Variants in PLOD2 observed in about 807,000 individuals in gnomAD.
PLOD2 encodes the protein lysine hydroxylase 2.
Under a neutral mutation model 101.0 loss-of-function variants are expected in PLOD2, and 65 were observed. The ratio of observed to expected loss-of-function variants is 0.64; its 90% CI spans 0.53 to 0.79. The LOEUF (loss-of-function observed/expected upper bound fraction) is 0.79, where lower values mean the gene tolerates loss of function less well. PLOD2 is among the 30% of genes least tolerant of loss of function. The probability of loss-of-function intolerance (pLI) is 0.00; values close to 1 mark genes in which losing one functional copy is unlikely to be tolerated. For missense variants in PLOD2, 909 were observed against 914.6 expected (o/e 0.99, Z 0.08); for synonymous variants, 314 against 302.9 (o/e 1.04, Z -0.38).
At chr3:146,119,166 A>G (rs1375877874) in intron 3 of PLOD2, among the ~76,000 whole-genome samples, 3 of 152,024 alleles carry the variant, frequency 2.0e-5, no homozygotes, top group Non-Finnish European at 4.4e-5. Flanking sequence ...TTCTCATGAG[A>G]TCTGATTGTT....
At chr3:146,086,283 T>G (rs1232075902) in intron 10 of PLOD2, 1 of 152,542 alleles carries the variant, frequency 6.6e-6, no homozygotes, top group Non-Finnish European at 1.5e-5. Context: ...TACACGATTT[T>G]TTTTACTATT....
intron 12 of PLOD2, among the ~76,000 whole-genome samples, chr3:146,081,392 A>T (rs996031731): frequency 1.3e-5 from 2 of 152,132 alleles, no homozygotes; most frequent in Non-Finnish European, 1.5e-5. Context: ...ACAACCCTTA[A>T]TTATAACCAT....
At chr3:146,077,740 T>A (rs1053123518) in intron 14 of PLOD2, 122 bp downstream of exon 14, 3 of 620,190 alleles carry the variant, frequency 4.8e-6, no homozygotes, top group Non-Finnish European at 5.6e-6. Context: ...AGATGACTGA[T>A]GAAAATCAAC....
At chr3:146,074,933 A>T (rs996368446) in intron 15 of PLOD2, among the ~76,000 whole-genome samples, 2 of 151,624 alleles carry the variant, frequency 1.3e-5, no homozygotes, top group African/African-American at 4.8e-5. Flanking sequence ...GTTCCTACTC[A>T]GTTCTGATAT....
chr3:146,111,708 T>C (rs1937638053), intron 3 of PLOD2, among the ~76,000 whole-genome samples: 1 of 126,184 alleles, frequency 7.9e-6, no homozygotes, highest in Admixed American at 8.0e-5. Context: ...ACCTCAAACT[T>C]TGCCCTGTTT....
In PLOD2 at chr3:146,102,894, C is replaced by T. The variant is rs369230207; in HGVS notation, c.680-42G>A. ...AAATAGGCTTTAGTAATTTAAAATACGTGTGTGTGTGTCTGTATTCGTGTG... is the reference window on the plus strand; with the variant it reads ...AAATAGGCTTTAGTAATTTAAAATATGTGTGTGTGTGTCTGTATTCGTGTG... On this transcript the variant is annotated intron_variant, in intron 6 of 19. Coordinates refer to ENST00000282903, the MANE Select transcript of PLOD2 (RefSeq NM_182943.3). 159 of 1,024,100 alleles carry T rather than the reference C, an allele frequency of 1.6e-4. No homozygotes were observed. In the African/African-American group the frequency reaches 2.2e-3, roughly 14 times the overall value. The allele number at this position is 1,024,100 out of a possible 1,614,324, so 63.4% of individuals were successfully genotyped here. A position where few individuals can be genotyped will look rare whatever the true frequency, so the allele number is the denominator to read the frequency against.
At chr3:146,094,794 G>A (rs1937092462) in intron 7 of PLOD2, among the ~76,000 whole-genome samples, 1 of 152,088 alleles carries the variant, frequency 6.6e-6, no homozygotes, top group East Asian at 1.9e-4. Flanking sequence ...CAAAGCTGGA[G>A]GCATCATGCT....
intron 2 of PLOD2, among the ~76,000 whole-genome samples, chr3:146,122,769 T>A (rs2030259246): frequency 6.6e-6 from 1 of 152,132 alleles, no homozygotes; most frequent in Non-Finnish European, 1.5e-5. Flanking sequence ...GTTTTCCTCA[T>A]CCAGAAATAA....
chr3:146,131,242 TG>T (rs1209361567), intron 1 of PLOD2, among the ~76,000 whole-genome samples: 1 of 152,234 alleles, frequency 6.6e-6, no homozygotes, highest in East Asian at 1.9e-4. Context: ...ACCTCACCCA[TG>T]TGTTTTTTCT....
In PLOD2 at chr3:146,071,286, A is replaced by G. The variant is rs776363132; in HGVS notation, c.1986T>C (p.Tyr662=). ...GTGAGAGGATAACTACCTTCGTATAATAGCCTGCAAAGACCTTCAGTGTAA... is the reference window on the plus strand; with the variant it reads ...GTGAGAGGATAACTACCTTCGTATAGTAGCCTGCAAAGACCTTCAGTGTAA... The part of the protein sequence containing the change: ...APVTLKVFAG[Y]YTKGFALLNF... Residue 662 remains tyrosine (Y), a synonymous_variant, in exon 18 of 20, where the codon TAT becomes TAC. Transcript: ENST00000282903. 6.2e-7 allele frequency: 1 copy of G among 1,612,050 alleles called. No homozygotes were observed. The highest frequency in any genetic ancestry group is 1.1e-5 in the South Asian group (1 of 91,062).
chr3:146,096,211 T>G (rs1280302380), intron 7 of PLOD2, among the ~76,000 whole-genome samples: 1 of 134,812 alleles, frequency 7.4e-6, no homozygotes, highest in East Asian at 2.3e-4. Flanking sequence ...CAGGCTGGAG[T>G]GCAGTGGCGT....
intron 15 of PLOD2, chr3:146,076,293 TGTATA>T (rs1345616239): frequency 6.6e-6 from 1 of 152,066 alleles, no homozygotes; most frequent in Non-Finnish European, 1.5e-5. Context: ...TTTTTATGGC[TGTATA>T]GTATTCTATG....
Position 146,105,617 on chromosome 3 carries a change from C to T in PLOD2, c.615+915G>A, listed in dbSNP as rs1357698373. Reference sequence around the variant, plus strand: ...TTTATTCACATGTCATTTCAAAATACCAGAAAATGTGTTCTTTTAAAATTG... The same window carrying T: ...TTTATTCACATGTCATTTCAAAATATCAGAAAATGTGTTCTTTTAAAATTG... On this transcript the variant is annotated intron_variant, in intron 5 of 19. Coordinates refer to ENST00000282903, the MANE Select transcript of PLOD2 (RefSeq NM_182943.3). Among the ~76,000 whole-genome samples the T allele has an allele frequency of 2.0e-5, 3 of 152,168 alleles. No homozygotes were observed. In the East Asian group the frequency reaches 5.8e-4, roughly 29 times the overall value.
intron 11 of PLOD2, among the ~76,000 whole-genome samples, chr3:146,083,847 C>T (rs1243644570): frequency 6.6e-6 from 1 of 151,942 alleles, no homozygotes; most frequent in Non-Finnish European, 1.5e-5. Flanking sequence ...TCCCAAAGTG[C>T]TGGGATTACA....
chr3:146,088,180 C>T (rs748630792), intron 9 of PLOD2, among the ~76,000 whole-genome samples: 3 of 151,734 alleles, frequency 2.0e-5, no homozygotes, highest in East Asian at 1.9e-4. Context: ...CAAAACAGTA[C>T]TCTATCTGGA....
At chr3:146,118,848 A>T (rs1032856869) in intron 3 of PLOD2, among the ~76,000 whole-genome samples, 1 of 152,174 alleles carries the variant, frequency 6.6e-6, no homozygotes, top group African/African-American at 2.4e-5. Context: ...ACCAGAATCC[A>T]TTAAGTTACC....
chr3:146,115,568 G>A (rs994835666), intron 3 of PLOD2, among the ~76,000 whole-genome samples: 1 of 151,634 alleles, frequency 6.6e-6, no homozygotes, highest in Non-Finnish European at 1.5e-5. Context: ...AATTTATTTT[G>A]CATTCAAATC....
chr3:146,160,759 GGA>G, intron 1 of PLOD2, 120 bp downstream of exon 1: 1 of 686,878 alleles, frequency 1.5e-6, no homozygotes, highest in Non-Finnish European at 2.6e-6. Context: ...CGGCGGTCCT[GGA>G]GAGGAGGGAC....
chr3:146,160,833 C>T (rs200626888), intron 1 of PLOD2, 48 bp downstream of exon 1: 1 of 1,233,004 alleles, frequency 8.1e-7, no homozygotes, highest in African/African-American at 1.5e-5. Flanking sequence ...GAACTGCCCC[C>T]CCGCCGGCCG....
Sources: allele counts gnomAD v4.1 joint callset (sites outside exome capture counted in the v4.1 genomes callset), GRCh38; gene constraint gnomAD v4.1.1; transcripts MANE v1.5; gene names NCBI Gene and HGNC (gene_info 2026-07-23, HGNC 2026-07-21).